Variants in NUP210L observed in about 807,000 individuals in gnomAD.
NUP210L encodes the protein nuclear pore membrane glycoprotein 210-like.
Under a neutral mutation model 208.5 loss-of-function variants are expected in NUP210L, and 74 were observed. That is an observed-to-expected ratio of 0.35 (90% CI 0.29 to 0.43). The LOEUF is 0.43. NUP210L is among the 20% of genes least tolerant of loss of function. The pLI is 1.00. For synonymous variants in NUP210L, 780 were observed against 816.9 expected (o/e 0.95, Z 0.77); for missense variants, 1,843 against 2,289.4 (o/e 0.81, Z 3.98).
intron 14 of NUP210L, among the ~76,000 whole-genome samples, chr1:154,099,420 C>A (rs952721329): frequency 6.6e-6 from 1 of 152,202 alleles, no homozygotes; most frequent in African/African-American, 2.4e-5. Flanking sequence ...CCTGCTGCAG[C>A]TGGCGTGATG....
At position 154,102,859 on chromosome 1, in the gene NUP210L, G is replaced by A. The variant is rs544653051; in HGVS notation, c.1819+1153C>T. The stretch of plus-strand genomic sequence containing the variant: ...TCTACATTCCTCTTAAAAGACATAT[G>A]GTATATATATAAGGGGAAGAAAGAA... On this transcript the variant is annotated intron_variant, in intron 13 of 39. Transcript: ENST00000368559. Among the ~76,000 whole-genome samples, 298 of 117,386 alleles carry A rather than the reference G, an allele frequency of 2.5e-3. 4 individuals are homozygous for A. The South Asian group carries it at 0.046, about 18-fold the overall frequency. 77.0% of individuals were successfully genotyped at this position (117,386 alleles called of 152,430 possible).
At chr1:154,060,586 T>G (rs1266744764) in exon 20 of NUP210L, 2 of 1,613,746 alleles carry the variant, frequency 1.2e-6, no homozygotes, top group Non-Finnish European at 8.5e-7. Flanking sequence ...GACAACACCC[T>G]GCTCACTGCT....
intron 2 of NUP210L, among the ~76,000 whole-genome samples, chr1:154,148,352 G>A (rs778103809): frequency 2.0e-5 from 3 of 151,962 alleles, no homozygotes; most frequent in African/African-American, 7.2e-5. Context: ...GCATGGTGGC[G>A]TGTGCCTGCA....
intron 27 of NUP210L, among the ~76,000 whole-genome samples, chr1:154,044,257 A>G (rs1037547163): frequency 2.0e-5 from 3 of 152,006 alleles, no homozygotes; most frequent in African/African-American, 7.2e-5. Flanking sequence ...AATACAAAAA[A>G]TTAGCCGGGC....
At chr1:154,006,721 C>A (rs1650544853) in intron 35 of NUP210L, among the ~76,000 whole-genome samples, 1 of 149,882 alleles carries the variant, frequency 6.7e-6, no homozygotes, top group Non-Finnish European at 1.5e-5. Flanking sequence ...TCTCGAACTC[C>A]TGACCTCGGG....
At chr1:154,039,336 C>T (rs1389467839) in intron 27 of NUP210L, among the ~76,000 whole-genome samples, 2 of 151,472 alleles carry the variant, frequency 1.3e-5, no homozygotes, top group African/African-American at 2.4e-5. Context: ...CGAGTTCAAG[C>T]GATTCTCCTG....
intron 16 of NUP210L, among the ~76,000 whole-genome samples, chr1:154,074,254 T>C (rs1385513487): frequency 6.6e-6 from 1 of 152,138 alleles, no homozygotes; most frequent in Non-Finnish European, 1.5e-5. Flanking sequence ...TTAATATCCA[T>C]TGATGATCTT....
intron 16 of NUP210L, among the ~76,000 whole-genome samples, chr1:154,073,475 G>T (rs1438610608): frequency 6.6e-6 from 1 of 152,080 alleles, no homozygotes; most frequent in Non-Finnish European, 1.5e-5. Flanking sequence ...AGTGAGCTAT[G>T]ATTGCACCAC....
exon 36 of NUP210L, chr1:154,001,808 A>G (rs773288114): frequency 1.2e-6 from 2 of 1,614,168 alleles, no homozygotes; most frequent in South Asian, 2.2e-5. Flanking sequence ...GCTAAGAACC[A>G]ATTCTGACTG....
At chr1:154,125,742 G>GAA (rs1657908321) in intron 10 of NUP210L, among the ~76,000 whole-genome samples, 1 of 22,498 alleles carries the variant, frequency 4.4e-5, no homozygotes, top group African/African-American at 1.2e-4. Flanking sequence ...AGGAAGGGAG[G>GAA]GAGGGAAATG....
intron 16 of NUP210L, among the ~76,000 whole-genome samples, chr1:154,071,079 TGTTTTG>T (rs1654694764): frequency 6.6e-6 from 1 of 150,960 alleles, no homozygotes; most frequent in African/African-American, 2.4e-5. Flanking sequence ...GCCAGTTTTT[TGTTTTG>T]TTTTGTTTTT....
intron 30 of NUP210L, 137 bp downstream of exon 30, chr1:154,025,405 C>A: frequency 1.4e-3 from 277 of 203,840 alleles, no homozygotes; most frequent in Middle Eastern, 3.7e-3. Flanking sequence ...ACAGAAGTTT[C>A]TAATTCTTTT....
Position 154,125,744 on chromosome 1 carries a change from AGGG to A in NUP210L, c.1326+576_1326+578del, listed in dbSNP as rs1557995120. 3.1e-4 allele frequency among the ~76,000 whole-genome samples: 10 copies of A among 32,582 alleles called. 1 individual carries two copies. Among genetic ancestry groups the A allele is most frequent in the East Asian group, 1.1e-3 (1 of 946 alleles). 21.4% of individuals were successfully genotyped at this position (32,582 alleles called of 152,430 possible). ...AAGGAAGGAAGGAAGGAAGGGAGGG[AGGG>A]AAATGTTTTTTTTTTTTTTTTTTTT... On this transcript the variant is annotated intron_variant, in intron 10 of 39. Coordinates refer to ENST00000368559, the Ensembl canonical transcript of NUP210L.
intron 16 of NUP210L, among the ~76,000 whole-genome samples, chr1:154,070,721 TGTTA>T (rs1478108668): frequency 1.3e-5 from 2 of 152,196 alleles, no homozygotes; most frequent in East Asian, 3.8e-4. Flanking sequence ...CATATATGGC[TGTTA>T]TTTTGTTTTG....
chr1:154,036,931 T>G (rs928601952), intron 27 of NUP210L, among the ~76,000 whole-genome samples: 3 of 151,836 alleles, frequency 2.0e-5, no homozygotes, highest in African/African-American at 7.3e-5. Context: ...CCCAGCTAAT[T>G]TTTGTACTTT....
intron 16 of NUP210L, among the ~76,000 whole-genome samples, chr1:154,077,785 G>A (rs1655117974): frequency 6.6e-6 from 1 of 152,098 alleles, no homozygotes; most frequent in Non-Finnish European, 1.5e-5. Context: ...AGAAGTTTGA[G>A]ACCAGCCTGA....
In NUP210L at chr1:154,000,880, CCCTCACTACCACTG is replaced by C; in HGVS notation, c.5348_5361del (p.Ala1783GlyfsTer5). 1 of 1,613,998 alleles carries C rather than the reference CCCTCACTACCACTG, an allele frequency of 6.2e-7. No individual in the cohort carries two copies. Among genetic ancestry groups the C allele is most frequent in the Non-Finnish European group, 8.5e-7 (1 of 1,179,916 alleles). ...CCTGCACCCAACTTATCTTTCATAG[CCCTCACTACCACTG>C]CCTCACTTTGACTGGTGAGTACACA... On this transcript the variant is annotated frameshift_variant, in exon 37 of 40. Transcript: ENST00000368559. LOFTEE classifies it high-confidence loss of function.
At chr1:154,032,255 T>C (rs1242988462) in intron 27 of NUP210L, among the ~76,000 whole-genome samples, 2 of 152,190 alleles carry the variant, frequency 1.3e-5, no homozygotes, top group Non-Finnish European at 2.9e-5. Context: ...GGTAGTTTTA[T>C]ATTTAGTTTT....
At chr1:154,068,496 A>C (rs1468505701) in intron 17 of NUP210L, among the ~76,000 whole-genome samples, 1 of 152,126 alleles carries the variant, frequency 6.6e-6, no homozygotes, top group Non-Finnish European at 1.5e-5. Flanking sequence ...CCTGGCTAAC[A>C]TGGTGAAACC....
Sources: allele counts gnomAD v4.1 joint callset (sites outside exome capture counted in the v4.1 genomes callset), GRCh38; gene constraint gnomAD v4.1.1; transcripts MANE v1.5; gene names NCBI Gene and HGNC (gene_info 2026-07-23, HGNC 2026-07-21).